TBC1D16: variants seen among roughly 807,000 people sequenced by gnomAD.
The protein encoded by TBC1D16 is CTD-2529O21.1.
In TBC1D16, 58 loss-of-function variants were observed where a neutral mutation model predicts 74.7. The observed-to-expected ratio is 0.78, with a 90% CI of 0.63 to 0.97. The LOEUF (loss-of-function observed/expected upper bound fraction) is 0.97, where lower values mean the gene tolerates loss of function less well. Ranked by LOEUF, TBC1D16 falls within the 50% of genes least tolerant of loss-of-function variation. The probability of loss-of-function intolerance (pLI) is 0.00; values close to 1 mark genes in which losing one functional copy is unlikely to be tolerated. For synonymous variants in TBC1D16, 493 were observed against 474.7 expected (o/e 1.04, Z -0.50); for missense variants, 1,014 against 1,079.5 (o/e 0.94, Z 0.85).
At position 79,953,001 on chromosome 17, in the gene TBC1D16, T is replaced by G. The variant is rs569419824; in HGVS notation, c.780-183A>C. On this transcript the variant is annotated intron_variant, in intron 3 of 11. Transcript: ENST00000310924. ...TGAATGTATGAACCCCACTGCACAG[T>G]TCTACTTCCACTTGGATGGGAAAGC... 48 of 529,430 alleles carry G rather than the reference T, an allele frequency of 9.1e-5. No homozygotes were observed. In the East Asian group the frequency reaches 1.6e-3, roughly 17 times the overall value. 32.8% of individuals were successfully genotyped at this position (529,430 alleles called of 1,614,324 possible). A position where few individuals can be genotyped will look rare whatever the true frequency, so the allele number is the denominator to read the frequency against.
At chr17:79,996,079 C>T (rs1030759405) in intron 3 of TBC1D16, among the ~76,000 whole-genome samples, 1 of 152,174 alleles carries the variant, frequency 6.6e-6, no homozygotes, top group Non-Finnish European at 1.5e-5. Flanking sequence ...GTCTCTTTGT[C>T]TCTTTGGGTA....
Position 79,950,739 on chromosome 17 carries a change from A to C in TBC1D16, c.1090-161T>G. On this transcript the variant is annotated intron_variant, in intron 5 of 11. Transcript: ENST00000310924. This position sits in a 1 kb window ranked among gnomAD's most constrained non-coding sequence, Gnocchi z 4.6. ...CTAAATGGCGAGTGTAATTAGGCGC[A>C]ATTAAAATGAAAATACCTTCATCTT... 1 of 1,537,436 alleles carries C rather than the reference A, an allele frequency of 6.5e-7. No homozygotes were observed. Among genetic ancestry groups the C allele is most frequent in the Non-Finnish European group, 8.7e-7 (1 of 1,145,722 alleles).
rs2035769064 is a variant in TBC1D16 at position 80,008,726 on chromosome 17, G to C, written c.779+1434C>G. On this transcript the variant is annotated intron_variant, in intron 3 of 11. Transcript: ENST00000310924. The surrounding 1 kb of genome is among the most constrained non-coding windows in gnomAD (Gnocchi z 4.5). The stretch of plus-strand genomic sequence containing the variant: ...CTGGCACCTGGAGTCCTCAGTTACG[G>C]CTCACGGCTTCCTTTTATCTGCACT... Among the ~76,000 whole-genome samples the C allele has an allele frequency of 6.6e-6, 1 of 152,192 alleles. No homozygotes were observed. The highest frequency in any genetic ancestry group is 2.4e-5 in the African/African-American group (1 of 41,442).
intron 7 of TBC1D16, among the ~76,000 whole-genome samples, chr17:79,949,247 A>G (rs1296566750): frequency 6.6e-6 from 1 of 152,262 alleles, no homozygotes; most frequent in Non-Finnish European, 1.5e-5. Context: ...AGCAAGTTGC[A>G]GCCCAGTGGG....
chr17:80,010,096 G>T lies in TBC1D16; in HGVS notation c.779+64C>A. 1.5e-6 allele frequency: 2 copies of T among 1,351,812 alleles called. No individual in the cohort carries two copies. The highest frequency in any genetic ancestry group is 2.0e-6 in the Non-Finnish European group (2 of 988,760). 83.7% of individuals were successfully genotyped at this position (1,351,812 alleles called of 1,614,324 possible). A position where few individuals can be genotyped will look rare whatever the true frequency, so the allele number is the denominator to read the frequency against. On this transcript the variant is annotated intron_variant, in intron 3 of 11. Transcript: ENST00000310924. The surrounding 1 kb of genome is among the most constrained non-coding windows in gnomAD (Gnocchi z 8.8). ...GGCATCACAGGTGACGCAGGTGAGT[G>T]CTTCCTGCCCAGGTCAGGCCTTGGG...
chr17:80,003,123 G>A (rs768805855), intron 3 of TBC1D16, among the ~76,000 whole-genome samples: 17 of 152,230 alleles, frequency 1.1e-4, no homozygotes, highest in Non-Finnish European at 2.5e-4. Context: ...CAAGAGGAAA[G>A]TGGGAGGGCA....
At chr17:80,003,926 G>A (rs2035583196) in intron 3 of TBC1D16, among the ~76,000 whole-genome samples, 1 of 152,224 alleles carries the variant, frequency 6.6e-6, no homozygotes, top group Non-Finnish European at 1.5e-5. Context: ...GTGCATGTCT[G>A]CAATCCCAGC....
At position 79,948,907 on chromosome 17, in the gene TBC1D16, G is replaced by A. The variant is rs1490651958; in HGVS notation, c.1506C>T (p.Phe502=). The A allele has an allele frequency of 6.2e-7, 1 of 1,614,142 alleles. No individual in the cohort carries two copies. The highest frequency in any genetic ancestry group is 8.5e-7 in the Non-Finnish European group (1 of 1,180,016). The change falls in exon 8 of 12, where the codon TTC becomes TTT. Residue 502 remains phenylalanine (F), a synonymous_variant. Transcript: ENST00000310924. ...CCACATTGGGATTGTCTTCCCCCCG[G>A]AAGAACTGGTTGTTCCGATCTGTCC... ...VVRTDRNNQF[F]RGEDNPNVES...
intron 1 of TBC1D16, among the ~76,000 whole-genome samples, chr17:80,032,711 A>G (rs1050137088): frequency 1.5e-4 from 23 of 152,364 alleles, no homozygotes; most frequent in Non-Finnish European, 4.4e-5. Context: ...CACTGGCCTC[A>G]TTAACAGCAA....
intron 3 of TBC1D16, among the ~76,000 whole-genome samples, chr17:79,969,125 G>A (rs1002381103): frequency 3.9e-5 from 6 of 152,144 alleles, no homozygotes; most frequent in African/African-American, 9.7e-5. Flanking sequence ...GGTGGCTCAC[G>A]CCTGTAATCC....
rs1383036296 is a variant in TBC1D16, at chr17:79,941,536, G to A, written c.2056-429C>T. On this transcript the variant is annotated intron_variant, in intron 11 of 11. Coordinates refer to ENST00000310924, the MANE Select transcript of TBC1D16 (RefSeq NM_019020.4). This position sits in a 1 kb window ranked among gnomAD's most constrained non-coding sequence, Gnocchi z 4.3. ...TCAGCTCCTGCAGGATCTGTGTCCT[G>A]TGCCAGAGGACACCACCGACCTCGG... 6.6e-6 allele frequency among the ~76,000 whole-genome samples: 1 copy of A among 151,860 alleles called. No homozygotes were observed. The highest frequency in any genetic ancestry group is 6.6e-5 in the Admixed American group (1 of 15,252).
rs1337649693 is a variant in TBC1D16, at chr17:79,990,823, C to G, written c.779+19337G>C. Among the ~76,000 whole-genome samples the G allele has an allele frequency of 6.6e-6, 1 of 152,208 alleles. No individual in the cohort carries two copies. Among genetic ancestry groups the G allele is most frequent in the Non-Finnish European group, 1.5e-5 (1 of 68,032 alleles). ...GCCTGACAACTCCAGGGGTCGCACA[C>G]AAGTGGAATCACACAGATTTGGCCC... On this transcript the variant is annotated intron_variant, in intron 3 of 11. Coordinates refer to ENST00000310924, the MANE Select transcript of TBC1D16 (RefSeq NM_019020.4). This position sits in a 1 kb window ranked among gnomAD's most constrained non-coding sequence, Gnocchi z 4.8.
Position 79,950,925 on chromosome 17 carries a change from C to G in TBC1D16, c.1090-347G>C. 1 of 1,332,498 alleles carries G rather than the reference C, an allele frequency of 7.5e-7. No individual in the cohort carries two copies. The highest frequency in any genetic ancestry group is 1.0e-6 in the Non-Finnish European group (1 of 997,436). 82.5% of individuals were successfully genotyped at this position (1,332,498 alleles called of 1,614,324 possible). On this transcript the variant is annotated intron_variant, in intron 5 of 11. Transcript: ENST00000310924. This position sits in a 1 kb window ranked among gnomAD's most constrained non-coding sequence, Gnocchi z 4.6. ...TGAATTACATGTGATTGGCCACATA[C>G]AAAGGGATCGCTGTTCTGCGAGCAG...
At position 80,010,842 on chromosome 17, in the gene TBC1D16, G is replaced by A; in HGVS notation, c.182-85C>T. ...TGGTACCTTTGGCGAGCTGCTCGGA[G>A]AGGCCACTGCCCTTTAGTAAAGTGC... On this transcript the variant is annotated intron_variant, in intron 2 of 11. Transcript: ENST00000310924. This position sits in a 1 kb window ranked among gnomAD's most constrained non-coding sequence, Gnocchi z 8.8. 1 of 1,027,468 alleles carries A rather than the reference G, an allele frequency of 9.7e-7. No individual in the cohort carries two copies. 63.6% of individuals were successfully genotyped at this position (1,027,468 alleles called of 1,614,324 possible). A position where few individuals can be genotyped will look rare whatever the true frequency, so the allele number is the denominator to read the frequency against.
At chr17:79,960,063 G>GA (rs200625228) in intron 3 of TBC1D16, among the ~76,000 whole-genome samples, 50 of 144,608 alleles carry the variant, frequency 3.5e-4, no homozygotes, top group Admixed American at 1.9e-3. Flanking sequence ...GACCATAAGT[G>GA]AAAAAAAAAA....
At position 79,956,297 on chromosome 17, in the gene TBC1D16, T is replaced by C. The variant is rs541671216; in HGVS notation, c.780-3479A>G. On this transcript the variant is annotated intron_variant, in intron 3 of 11. Transcript: ENST00000310924. The surrounding 1 kb of genome is among the most constrained non-coding windows in gnomAD (Gnocchi z 4.0). ...AAGACAAGGTCTCCCTCTATCCCCC[T>C]GGCTGAAGTGCGGTGGTGCAAACAC... Among the ~76,000 whole-genome samples the C allele has an allele frequency of 1.3e-5, 2 of 152,350 alleles. No homozygotes were observed. The highest frequency in any genetic ancestry group is 1.3e-4 in the Admixed American group (2 of 15,304).
intron 1 of TBC1D16, among the ~76,000 whole-genome samples, chr17:80,033,120 G>C (rs2036830498): frequency 6.6e-6 from 1 of 152,198 alleles, no homozygotes; most frequent in Non-Finnish European, 1.5e-5. Context: ...AAAATGTTTT[G>C]TGTCAATCTA....
chr17:80,013,674 G>A (rs1229860738), intron 1 of TBC1D16, 65 bp from the exon 2 acceptor site: 9 of 1,026,448 alleles, frequency 8.8e-6, no homozygotes, highest in South Asian at 1.7e-5. Flanking sequence ...ACAGCAGTAC[G>A]TGTCGCCTCG....
At chr17:79,959,641 A>G (rs1038155936) in intron 3 of TBC1D16, among the ~76,000 whole-genome samples, 1 of 152,208 alleles carries the variant, frequency 6.6e-6, no homozygotes, top group Non-Finnish European at 1.5e-5. Context: ...AATAAACGAT[A>G]CTGGATCAAC....
Sources: allele counts gnomAD v4.1 joint callset (sites outside exome capture counted in the v4.1 genomes callset), GRCh38; gene constraint gnomAD v4.1.1; non-coding constraint Gnocchi (gnomAD v3.1); transcripts MANE v1.5; gene names NCBI Gene and HGNC (gene_info 2026-07-23, HGNC 2026-07-21).